COL14A1: variants seen among roughly 807,000 people sequenced by gnomAD.
The protein encoded by COL14A1 is collagen type XIV alpha 1 chain.
Under a neutral mutation model 230.3 loss-of-function variants are expected in COL14A1, and 136 were observed. That is an observed-to-expected ratio of 0.59 (90% CI 0.51 to 0.68). The LOEUF (loss-of-function observed/expected upper bound fraction) is 0.68. Among genes scored for constraint, COL14A1 ranks in the 30% least tolerant of loss-of-function variants. The pLI is 0.00. For missense variants in COL14A1, 1,976 were observed against 2,215.8 expected, an observed-to-expected ratio of 0.89 and a Z score of 2.17; for synonymous variants, 792 against 784.1, an observed-to-expected ratio of 1.01 and a Z score of -0.17.
chr8:120,349,415 G>C (rs1338278453), intron 45 of COL14A1, among the ~76,000 whole-genome samples: 1 of 149,162 alleles, frequency 6.7e-6, no homozygotes, highest in African/African-American at 2.5e-5. Context: ...AGAGAAGAAG[G>C]CTTCAGACGA....
chr8:120,297,657 T>A, intron 35 of COL14A1, 69 bp downstream of exon 35: 13 of 863,052 alleles, frequency 1.5e-5, no homozygotes, highest in Non-Finnish European at 2.0e-5. Flanking sequence ...TGAGAAGCTA[T>A]TTCTCAACAT....
chr8:120,336,016 T>C (rs10955969), intron 42 of COL14A1, among the ~76,000 whole-genome samples: 80,920 of 152,088 alleles, frequency 0.53, 22,993 homozygotes, highest in African/African-American at 0.75. Context: ...TCTAGCCTTT[T>C]GGAATGTCAG....
intron 42 of COL14A1, among the ~76,000 whole-genome samples, chr8:120,340,686 G>T (rs960778669): frequency 6.6e-6 from 1 of 152,020 alleles, no homozygotes; most frequent in Non-Finnish European, 1.5e-5. Context: ...CTTTAATAAC[G>T]GCAAGGTTTC....
Position 120,178,879 on chromosome 8 carries a change from T to C in COL14A1, c.436+10632T>C, listed in dbSNP as rs143610643. ...TGTTGCCTGCATAAATATATTCTTTTCAAAAGTGTCTGTTTATATCCTTCT... is the reference window on the plus strand; with the variant it reads ...TGTTGCCTGCATAAATATATTCTTTCCAAAAGTGTCTGTTTATATCCTTCT... On this transcript the variant is annotated intron_variant, in intron 5 of 47. Transcript: ENST00000297848. Among the ~76,000 whole-genome samples, 182 of 152,316 alleles carry C rather than the reference T, an allele frequency of 1.2e-3. 1 individual carries two copies. Among genetic ancestry groups the C allele is most frequent in the African/African-American group, 4.1e-3 (169 of 41,578 alleles).
chr8:120,147,518 T>G (rs1205789706), intron 1 of COL14A1, among the ~76,000 whole-genome samples: 1 of 152,220 alleles, frequency 6.6e-6, no homozygotes, highest in Non-Finnish European at 1.5e-5. Flanking sequence ...ATTATGAAAT[T>G]TATCCACTTG....
In COL14A1 at chr8:120,250,644, T is replaced by G; in HGVS notation, c.2630T>G (p.Val877Gly). The G allele has an allele frequency of 6.2e-7, 1 of 1,614,228 alleles. No individual in the cohort carries two copies. The highest frequency in any genetic ancestry group is 8.5e-7 in the Non-Finnish European group (1 of 1,180,040). ...SVPGPTLETF[V>G]GADINTILIT... The stretch of plus-strand genomic sequence containing the variant: ...CCTGGTCCAACACTGGAAACGTTTG[T>G]GGGAGCTGACATTAACACCATCCTT... The change falls in exon 22 of 48, where the codon GTG (valine) becomes GGG (glycine). Residue 877 changes from valine (V) to glycine (G), a missense_variant. Transcript: ENST00000297848.
chr8:120,212,317 C>A, intron 12 of COL14A1, 131 bp from the exon 13 acceptor site: 1 of 754,960 alleles, frequency 1.3e-6, no homozygotes, highest in Non-Finnish European at 2.1e-6. Context: ...ATGACTGAAG[C>A]CTGTTTGATG....
intron 1 of COL14A1, among the ~76,000 whole-genome samples, chr8:120,127,322 C>G (rs1814375843): frequency 6.6e-6 from 1 of 152,226 alleles, no homozygotes; most frequent in Non-Finnish European, 1.5e-5. Flanking sequence ...TGAACCTCCA[C>G]TGCAGCCCTG....
intron 5 of COL14A1, among the ~76,000 whole-genome samples, chr8:120,183,685 T>C (rs75276352): frequency 6.6e-6 from 1 of 152,198 alleles, no homozygotes; most frequent in South Asian, 2.1e-4. Flanking sequence ...TCTGAGCGAG[T>C]GCTGAAATGT....
At chr8:120,337,401 T>TAAAAAAAAAAAA (rs60418574) in intron 42 of COL14A1, among the ~76,000 whole-genome samples, 12 of 129,430 alleles carry the variant, frequency 9.3e-5, no homozygotes, top group South Asian at 2.5e-4. Context: ...GTCTCAAAAT[T>TAAAAAAAAAAAA]AAAAAAAAAA....
chr8:120,246,746 TCAA>T (rs1818779143), intron 20 of COL14A1, among the ~76,000 whole-genome samples: 1 of 152,136 alleles, frequency 6.6e-6, no homozygotes, highest in African/African-American at 2.4e-5. Flanking sequence ...CTACGTTTTA[TCAA>T]CAACAAAATG....
At chr8:120,216,322 A>C in intron 13 of COL14A1, 29 bp from the exon 14 acceptor site, 1 of 1,578,288 alleles carries the variant, frequency 6.3e-7, no homozygotes, top group Non-Finnish European at 8.6e-7. Context: ...TTGACATTTT[A>C]ATTATTTTCT....
intron 1 of COL14A1, among the ~76,000 whole-genome samples, chr8:120,126,324 G>C (rs1814335074): frequency 6.6e-6 from 1 of 152,236 alleles, no homozygotes; most frequent in African/African-American, 2.4e-5. Context: ...GTGGCTCAGG[G>C]TTGCTCTGCT....
At chr8:120,333,059 C>T (rs1379255808) in intron 42 of COL14A1, among the ~76,000 whole-genome samples, 1 of 152,222 alleles carries the variant, frequency 6.6e-6, no homozygotes, top group Non-Finnish European at 1.5e-5. Flanking sequence ...ACGTGTTAAT[C>T]AAGCTGGGTT....
intron 1 of COL14A1, among the ~76,000 whole-genome samples, chr8:120,134,608 A>T (rs1383060291): frequency 6.6e-6 from 1 of 152,178 alleles, no homozygotes; most frequent in African/African-American, 2.4e-5. Flanking sequence ...AAAAATAAAT[A>T]TTGGGCAACG....
chr8:120,257,618 G>A (rs1406425696), intron 23 of COL14A1, among the ~76,000 whole-genome samples: 2 of 152,146 alleles, frequency 1.3e-5, no homozygotes, highest in African/African-American at 4.8e-5. Context: ...AGGACTTGTG[G>A]TAAGATGCCC....
chr8:120,177,505 C>A (rs910775362), intron 5 of COL14A1, among the ~76,000 whole-genome samples: 1 of 151,554 alleles, frequency 6.6e-6, no homozygotes, highest in African/African-American at 2.4e-5. Flanking sequence ...AAAAATTAGC[C>A]GGGAGTGGTG....
intron 36 of COL14A1, among the ~76,000 whole-genome samples, chr8:120,308,531 G>A (rs1035551832): frequency 4.6e-5 from 7 of 152,166 alleles, no homozygotes; most frequent in Admixed American, 1.3e-4. Flanking sequence ...GTAATACCAC[G>A]GGCAGTATTT....
At chr8:120,232,879 C>T (rs545285074) in intron 19 of COL14A1, among the ~76,000 whole-genome samples, 55 of 152,278 alleles carry the variant, frequency 3.6e-4, no homozygotes, top group Admixed American at 1.6e-3. Context: ...TACAGTCTCA[C>T]CAACAGTGTA....
Sources: allele counts gnomAD v4.1 joint callset (sites outside exome capture counted in the v4.1 genomes callset), GRCh38; gene constraint gnomAD v4.1.1; transcripts MANE v1.5; gene names NCBI Gene and HGNC (gene_info 2026-07-23, HGNC 2026-07-21).